Variants in PLA2G4E observed in about 807,000 individuals in gnomAD.
PLA2G4E encodes the protein cytosolic phospholipase A2 epsilon.
PLA2G4E carries 84 observed loss-of-function variants against 109.1 expected under a neutral mutation model. The ratio of observed to expected loss-of-function variants is 0.77; its 90% confidence interval spans 0.65 to 0.92. PLA2G4E has a LOEUF of 0.92. PLA2G4E is among the 40% of genes least tolerant of loss of function. PLA2G4E has a pLI of 0.00. For missense variants in PLA2G4E, 1,057 were observed against 1,076.6 expected (o/e 0.98, Z 0.25); for synonymous variants, 469 against 436.1 (o/e 1.08, Z -0.94).
intron 18 of PLA2G4E, 62 bp downstream of exon 18, chr15:41,985,777 A>G: frequency 6.5e-7 from 1 of 1,535,230 alleles, no homozygotes; most frequent in Non-Finnish European, 8.8e-7. Context: ...GAGGCCACTG[A>G]CTGCGGGGCC....
intron 1 of PLA2G4E, among the ~76,000 whole-genome samples, chr15:42,023,406 C>T (rs2068665906): frequency 6.6e-6 from 1 of 151,486 alleles, no homozygotes; most frequent in African/African-American, 2.4e-5. Flanking sequence ...GACGTAGTCT[C>T]TAAGCAGTAG....
rs150226828 is a variant in PLA2G4E, at chr15:42,002,843, C to A, written c.567-147G>T. 1.2e-4 allele frequency: 93 copies of A among 771,712 alleles called. No individual in the cohort carries two copies. In the African/African-American group the frequency reaches 1.3e-3, roughly 11 times the overall value. 47.8% of individuals were successfully genotyped at this position (771,712 alleles called of 1,614,324 possible). ...AAAATACTAGCTTCGGAAACCTTAGCCTTATAGGTTGTCAGGGAGGAAACT... is the reference window on the plus strand; with the variant it reads ...AAAATACTAGCTTCGGAAACCTTAGACTTATAGGTTGTCAGGGAGGAAACT... On this transcript the variant is annotated intron_variant, in intron 5 of 19. Coordinates refer to ENST00000399518, the Ensembl canonical transcript of PLA2G4E.
Position 42,035,210 on chromosome 15 carries a change from G to A in PLA2G4E, c.183+15311C>T, listed in dbSNP as rs567816881. On this transcript the variant is annotated intron_variant, in intron 1 of 19. Transcript: ENST00000399518. ...CTTCTCTCATCTTCCTGTTCTTCTC[G>A]CCTCATTTCCAGGATTTGCTCTGAT... 7.2e-5 allele frequency among the ~76,000 whole-genome samples: 11 copies of A among 152,224 alleles called. No individual in the cohort carries two copies. The East Asian group carries it at 1.9e-3, about 27-fold the overall frequency.
intron 13 of PLA2G4E, among the ~76,000 whole-genome samples, chr15:41,990,939 G>A (rs1056121614): frequency 6.6e-5 from 10 of 151,920 alleles, no homozygotes; most frequent in African/African-American, 2.4e-4. Flanking sequence ...AGGCCAAGCA[G>A]CTGACTCCTG....
chr15:42,042,381 T>C (rs1377046699), intron 1 of PLA2G4E, among the ~76,000 whole-genome samples: 1 of 145,420 alleles, frequency 6.9e-6, no homozygotes, highest in Non-Finnish European at 1.5e-5. Context: ...AATGTTTATT[T>C]TCTCTATTAC....
rs145792224 is a variant in PLA2G4E, at chr15:42,021,044, C to A, written c.184-7287G>T. 6.6e-6 allele frequency among the ~76,000 whole-genome samples: 1 copy of A among 151,970 alleles called. No individual in the cohort carries two copies. The highest frequency in any genetic ancestry group is 1.5e-5 in the Non-Finnish European group (1 of 67,978). On this transcript the variant is annotated intron_variant, in intron 1 of 19. Transcript: ENST00000399518. ...CCTCAGGAGCATCACGGCAGCTCTC[C>A]AGCTGGGTGGCAAGATCAGGAACTT...
exon 8 of PLA2G4E, chr15:42,000,237 T>A: frequency 1.3e-6 from 2 of 1,582,048 alleles, no homozygotes; most frequent in Non-Finnish European, 1.7e-6. Flanking sequence ...CCGGACACGC[T>A]GGGTGTTCTC....
chr15:42,037,046 C>T (rs1302379955), intron 1 of PLA2G4E, among the ~76,000 whole-genome samples: 1 of 152,236 alleles, frequency 6.6e-6, no homozygotes, highest in Non-Finnish European at 1.5e-5. Context: ...CGCTTCAGCC[C>T]CCTCCAGACT....
chr15:41,996,434 G>A (rs888805525), intron 11 of PLA2G4E, among the ~76,000 whole-genome samples: 24 of 151,506 alleles, frequency 1.6e-4, no homozygotes, highest in Admixed American at 1.1e-3. Flanking sequence ...TCCTTTGAGT[G>A]GGGGCTGTAA....
chr15:42,013,038 A>C lies in PLA2G4E; in HGVS notation c.256+647T>G, dbSNP rs551521617. ...GGATTCTGCCCACTGAGATGCCTCC[A>C]TTGGCCCCCGTGGCCTGGAAATGCA... On this transcript the variant is annotated intron_variant, in intron 2 of 19. Transcript: ENST00000399518. 3.3e-5 allele frequency among the ~76,000 whole-genome samples: 5 copies of C among 152,270 alleles called. No homozygotes were observed. In the East Asian group the frequency reaches 7.7e-4, roughly 24 times the overall value.
At chr15:42,021,337 A>G (rs2068646662) in intron 1 of PLA2G4E, among the ~76,000 whole-genome samples, 1 of 151,726 alleles carries the variant, frequency 6.6e-6, no homozygotes, top group Non-Finnish European at 1.5e-5. Context: ...GACCCACATG[A>G]CTGTAGGACT....
At chr15:41,984,494 G>T (rs377476496) in exon 19 of PLA2G4E, 31 of 1,613,840 alleles carry the variant, frequency 1.9e-5, no homozygotes, top group Middle Eastern at 3.3e-4. Flanking sequence ...TCACGATGGG[G>T]GCATCGGGTT....
chr15:42,024,169 G>A (rs2068673430), intron 1 of PLA2G4E, among the ~76,000 whole-genome samples: 1 of 152,212 alleles, frequency 6.6e-6, no homozygotes, highest in Non-Finnish European at 1.5e-5. Flanking sequence ...GGAGTTGGAA[G>A]TGGACTGGGA....
At chr15:41,996,740 G>A (rs1197495181) in intron 11 of PLA2G4E, among the ~76,000 whole-genome samples, 3 of 152,236 alleles carry the variant, frequency 2.0e-5, no homozygotes, top group African/African-American at 4.8e-5. Context: ...TGAGAGGAGA[G>A]ACAATTGAGG....
intron 12 of PLA2G4E, 89 bp downstream of exon 12, chr15:41,995,271 G>A: frequency 6.7e-7 from 1 of 1,497,636 alleles, no homozygotes; most frequent in African/African-American, 1.4e-5. Context: ...TTGTCTTTGG[G>A]TGGCGGGGAG....
intron 2 of PLA2G4E, 100 bp downstream of exon 2, chr15:42,013,585 G>GCACA: frequency 9.3e-7 from 1 of 1,079,784 alleles, no homozygotes; most frequent in Non-Finnish European, 1.4e-6. Flanking sequence ...ACGTGCGCGC[G>GCACA]CACACACACA....
chr15:41,987,144 G>T (rs975079220), intron 17 of PLA2G4E, 28 bp downstream of exon 17: 15 of 1,588,080 alleles, frequency 9.4e-6, no homozygotes, highest in Non-Finnish European at 1.1e-5. Context: ...ATGGAGGCAG[G>T]CCTCAAGGAG....
intron 1 of PLA2G4E, among the ~76,000 whole-genome samples, chr15:42,016,397 G>C (rs548429947): frequency 6.6e-6 from 1 of 151,650 alleles, no homozygotes; most frequent in Non-Finnish European, 1.5e-5. Context: ...ATGCAGTGGC[G>C]GGATATCTTG....
chr15:42,011,857 G>C (rs2068539280), intron 2 of PLA2G4E, among the ~76,000 whole-genome samples: 1 of 152,318 alleles, frequency 6.6e-6, no homozygotes, highest in Non-Finnish European at 1.5e-5. Flanking sequence ...GAGTGGGAAA[G>C]TGTCTGAGTG....
Sources: gnomAD v4.1 joint callset for allele counts (sites outside exome capture counted in the v4.1 genomes callset) on GRCh38, gnomAD v4.1.1 for gene constraint, MANE v1.5 for transcripts, NCBI Gene and HGNC (gene_info 2026-07-23, HGNC 2026-07-21) for gene names.